Variants in DAAM2 observed in about 807,000 individuals in gnomAD.
DAAM2 encodes the protein dishevelled associated activator of morphogenesis 2, also known as disheveled-associated activator of morphogenesis 2.
A neutral mutation model predicts 120.7 loss-of-function variants in DAAM2; 39 were observed. The observed-to-expected ratio is 0.32, with a 90% CI of 0.25 to 0.42. The LOEUF is 0.42. Ranked by LOEUF, DAAM2 falls within the 10% of genes least tolerant of loss-of-function variation. The probability of loss-of-function intolerance (pLI) is 1.00; values close to 1 mark genes in which losing one functional copy is unlikely to be tolerated. For missense variants in DAAM2, 1,283 were observed against 1,401.7 expected, an observed-to-expected ratio of 0.92 and a Z score of 1.35; for synonymous variants, 488 against 524.9, an observed-to-expected ratio of 0.93 and a Z score of 0.96.
intron 1 of DAAM2, among the ~76,000 whole-genome samples, chr6:39,811,411 G>A (rs780784801): frequency 6.6e-6 from 1 of 152,078 alleles, no homozygotes; most frequent in South Asian, 2.1e-4. Context: ...GCGATGGAGG[G>A]GTTATGTACA....
rs375260376 is a variant in DAAM2, at chr6:39,898,931, G to A, written c.2673G>A (p.Val891=). 95 of 1,611,128 alleles carry A rather than the reference G, an allele frequency of 5.9e-5. No individual in the cohort carries two copies. Among genetic ancestry groups the A allele is most frequent in the Non-Finnish European group, 7.6e-5 (90 of 1,178,844 alleles). Residue 891 remains valine, a synonymous_variant, in exon 22 of 25, where the codon GTG becomes GTA. Transcript: ENST00000274867. ...VGNLRRGLRA[V]EVELEYQRRQ... ...ACCTCAGGAGGGGCCTGAGAGCGGT[G>A]GAGGTGGTGAGTACCTTGTCAGTGC...
At position 39,860,962 on chromosome 6, in the gene DAAM2, C is replaced by T; in HGVS notation, c.203C>T (p.Ala68Val). 6.2e-7 allele frequency: 1 copy of T among 1,613,364 alleles called. No homozygotes were observed. Among genetic ancestry groups the T allele is most frequent in the Non-Finnish European group, 8.5e-7 (1 of 1,179,684 alleles). Residue 68 changes from alanine (A) to valine (V), a missense_variant, in exon 3 of 25, where the codon GCT becomes GTT. Coordinates refer to ENST00000274867, the MANE Select transcript of DAAM2 (RefSeq NM_001201427.2). ...ELDLTDKNRE[A>V]MFALPPEKKW... ...GATCTCACTGACAAAAACCGAGAGG[C>T]TATGTTTGCACTGCCCCCTGAGAAG...
chr6:39,798,824 C>A (rs1305751646), intron 1 of DAAM2, among the ~76,000 whole-genome samples: 1 of 151,986 alleles, frequency 6.6e-6, no homozygotes. Context: ...CATTCCAACC[C>A]CCTTTTCCTC....
chr6:39,871,810 A>G (rs1210182365), intron 9 of DAAM2, among the ~76,000 whole-genome samples: 1 of 152,238 alleles, frequency 6.6e-6, no homozygotes, highest in Non-Finnish European at 1.5e-5. Context: ...GGCTCACGCA[A>G]CTATGGAGAC....
chr6:39,846,568 A>G (rs774152187), intron 1 of DAAM2, among the ~76,000 whole-genome samples: 5 of 152,090 alleles, frequency 3.3e-5, no homozygotes, highest in East Asian at 1.9e-4. Flanking sequence ...ATTCTACTCT[A>G]CGACGCCTCC....
intron 6 of DAAM2, 131 bp downstream of exon 6, chr6:39,867,974 C>T (rs1471283188): frequency 2.5e-6 from 2 of 800,218 alleles, no homozygotes; most frequent in South Asian, 1.7e-5. Context: ...CATGCCTGCT[C>T]CTGGAAGGTA....
chr6:39,843,459 C>T (rs558966612), intron 1 of DAAM2, among the ~76,000 whole-genome samples: 2 of 152,158 alleles, frequency 1.3e-5, no homozygotes, highest in African/African-American at 4.8e-5. Flanking sequence ...CTGTGGGTGA[C>T]ATTTTTGGAA....
At position 39,878,666 on chromosome 6, in the gene DAAM2, G is replaced by A; in HGVS notation, c.1545+78G>A. On this transcript the variant is annotated intron_variant, in intron 13 of 24. Transcript: ENST00000274867. The surrounding 1 kb of genome is among the most constrained non-coding windows in gnomAD (Gnocchi z 5.0). ...GACTGGGTGGGCAGAGCAGGTGTCG[G>A]AGAGGCCAAGGACCCCAGCATGAGG... The A allele has an allele frequency of 1.4e-6, 2 of 1,436,390 alleles. No individual in the cohort carries two copies. 89.0% of individuals were successfully genotyped at this position (1,436,390 alleles called of 1,614,324 possible). A position where few individuals can be genotyped will look rare whatever the true frequency, so the allele number is the denominator to read the frequency against.
At chr6:39,825,384 TAAAACAAAACAAAACAAAACAAAAC>T (rs56245657) in intron 1 of DAAM2, among the ~76,000 whole-genome samples, 1 of 101,482 alleles carries the variant, frequency 9.9e-6, no homozygotes, top group African/African-American at 3.8e-5. Flanking sequence ...CAAGACTGTT[TAAAACAAAACAAAACAAAACAAAAC>T]AAAACAAAAC....
intron 22 of DAAM2, 52 bp downstream of exon 22, chr6:39,898,989 TGTTC>T (rs1766303274): frequency 7.0e-7 from 1 of 1,434,852 alleles, no homozygotes; most frequent in African/African-American, 1.4e-5. Context: ...CAGCAAACAC[TGTTC>T]GTCACTGCAC....
intron 19 of DAAM2, among the ~76,000 whole-genome samples, chr6:39,896,271 T>C (rs1015429927): frequency 3.9e-5 from 6 of 152,072 alleles, no homozygotes; most frequent in Non-Finnish European, 8.8e-5. Flanking sequence ...GAGGCAATCT[T>C]GGCTCACTGC....
At chr6:39,808,179 T>G (rs1762063697) in intron 1 of DAAM2, among the ~76,000 whole-genome samples, 1 of 152,002 alleles carries the variant, frequency 6.6e-6, no homozygotes, top group Admixed American at 6.6e-5. Flanking sequence ...GTCCAAAAAT[T>G]ATGGCAAAAA....
intron 19 of DAAM2, among the ~76,000 whole-genome samples, chr6:39,892,347 G>C (rs542094811): frequency 9.9e-5 from 15 of 152,284 alleles, no homozygotes; most frequent in African/African-American, 3.6e-4. Flanking sequence ...TTTCCATGTG[G>C]CTCCATTCTC....
In DAAM2 at chr6:39,878,684, G is replaced by C; in HGVS notation, c.1545+96G>C. 1 of 1,272,806 alleles carries C rather than the reference G, an allele frequency of 7.9e-7. No individual in the cohort carries two copies. Among genetic ancestry groups the C allele is most frequent in the Non-Finnish European group, 1.1e-6 (1 of 925,140 alleles). The allele number at this position is 1,272,806 out of a possible 1,614,324, so 78.8% of individuals were successfully genotyped here. A position where few individuals can be genotyped will look rare whatever the true frequency, so the allele number is the denominator to read the frequency against. On this transcript the variant is annotated intron_variant, in intron 13 of 24. Transcript: ENST00000274867. The surrounding 1 kb of genome is among the most constrained non-coding windows in gnomAD (Gnocchi z 5.0). ...GGTGTCGGAGAGGCCAAGGACCCCA[G>C]CATGAGGGAGAAGGGAGATGGAGAC... is the stretch of plus-strand genomic sequence containing the variant.
Position 39,878,411 on chromosome 6 carries a change from G to A in DAAM2, c.1368G>A (p.Met456Ile), listed in dbSNP as rs373715976. 381 of 1,611,882 alleles carry A rather than the reference G, an allele frequency of 2.4e-4. No homozygotes were observed. Among genetic ancestry groups the A allele is most frequent in the Non-Finnish European group, 3.0e-4 (356 of 1,178,944 alleles). Residue 456 changes from methionine (M) to isoleucine (I), a missense_variant, in exon 13 of 25, where the codon ATG becomes ATA. Transcript: ENST00000274867. The surrounding 1 kb of genome is among the most constrained non-coding windows in gnomAD (Gnocchi z 5.0). ...DQAEKFRKEH[M>I]ELVSRLERKE... Reference sequence around the variant, plus strand: ...GTCCCACCCCCATTCCAGAACACATGGAGCTTGTGAGCCGTCTGGAGAGGA... The same window carrying A: ...GTCCCACCCCCATTCCAGAACACATAGAGCTTGTGAGCCGTCTGGAGAGGA...
At chr6:39,832,874 C>T (rs1762966003) in intron 1 of DAAM2, among the ~76,000 whole-genome samples, 1 of 152,150 alleles carries the variant, frequency 6.6e-6, no homozygotes, top group Non-Finnish European at 1.5e-5. Context: ...AGACTTGGCA[C>T]CCACTGCTGA....
intron 2 of DAAM2, among the ~76,000 whole-genome samples, chr6:39,860,118 C>T (rs547605494): frequency 3.9e-5 from 6 of 152,210 alleles, no homozygotes; most frequent in African/African-American, 1.4e-4. Context: ...AAAAATAGAG[C>T]TTTTCAGGGG....
chr6:39,900,450 T>A (rs1283992879), intron 23 of DAAM2, among the ~76,000 whole-genome samples: 2 of 152,198 alleles, frequency 1.3e-5, no homozygotes, highest in Non-Finnish European at 1.5e-5. Context: ...CCACCTACCT[T>A]ATGGGTTTGT....
chr6:39,794,433 C>T (rs565242650), intron 1 of DAAM2, among the ~76,000 whole-genome samples: 6 of 152,258 alleles, frequency 3.9e-5, no homozygotes, highest in Admixed American at 2.6e-4. Flanking sequence ...AGCTTTTCCT[C>T]CAGCGCCTCG....
Sources: gnomAD v4.1 joint callset for allele counts (sites outside exome capture counted in the v4.1 genomes callset) on GRCh38, gnomAD v4.1.1 for gene constraint, Gnocchi (gnomAD v3.1) non-coding constraint, MANE v1.5 for transcripts, NCBI Gene and HGNC (gene_info 2026-07-23, HGNC 2026-07-21) for gene names.